ARHGAP15: variants seen among roughly 807,000 people sequenced by gnomAD.
ARHGAP15 encodes Rho GTPase activating protein 15.
In ARHGAP15, 51 loss-of-function variants were observed where a neutral mutation model predicts 63.7. That is an observed-to-expected ratio of 0.80 (90% CI 0.64 to 1.01). The LOEUF (loss-of-function observed/expected upper bound fraction) is 1.01. ARHGAP15 is among the 50% of genes least tolerant of loss of function. The probability of loss-of-function intolerance (pLI) is 0.00; values close to 1 mark genes in which losing one functional copy is unlikely to be tolerated. For missense variants in ARHGAP15, 560 were observed against 564.6 expected, an observed-to-expected ratio of 0.99 and a Z score of 0.08; for synonymous variants, 191 against 193.8, an observed-to-expected ratio of 0.99 and a Z score of 0.12.
intron 12 of ARHGAP15, among the ~76,000 whole-genome samples, chr2:143,664,543 C>T (rs1410423444): frequency 6.6e-6 from 1 of 151,632 alleles, no homozygotes; most frequent in African/African-American, 2.4e-5. Flanking sequence ...CAAAAGCTAG[C>T]AGAAGGCAAG....
chr2:143,662,494 A>G lies in ARHGAP15; in HGVS notation c.1138+38227A>G, dbSNP rs181660691. 4.9e-3 allele frequency among the ~76,000 whole-genome samples: 706 copies of G among 144,218 alleles called. 6 individuals carry two copies. Among genetic ancestry groups the G allele is most frequent in the African/African-American group, 0.016 (667 of 40,516 alleles). 94.6% of individuals were successfully genotyped at this position (144,218 alleles called of 152,430 possible). A position where few individuals can be genotyped will look rare whatever the true frequency, so the allele number is the denominator to read the frequency against. ...AACAGAAGAGAAAACTGGAAACTCT[A>G]AAACGCAGAGTGCCTCTCCTCCTCC... is the stretch of plus-strand genomic sequence containing the variant. On this transcript the variant is annotated intron_variant, in intron 12 of 13. Transcript: ENST00000295095.
chr2:143,488,829 A>G (rs941052405), intron 9 of ARHGAP15, among the ~76,000 whole-genome samples: 1 of 152,230 alleles, frequency 6.6e-6, no homozygotes, highest in Non-Finnish European at 1.5e-5. Flanking sequence ...CACATTACTA[A>G]TAGAATAGAA....
intron 11 of ARHGAP15, among the ~76,000 whole-genome samples, chr2:143,556,792 A>T (rs1011195813): frequency 6.6e-6 from 1 of 152,074 alleles, no homozygotes; most frequent in Non-Finnish European, 1.5e-5. Context: ...AAAAAATGTT[A>T]TTGGCTTATA....
intron 6 of ARHGAP15, among the ~76,000 whole-genome samples, chr2:143,327,324 A>G (rs947451755): frequency 6.6e-5 from 10 of 152,236 alleles, no homozygotes; most frequent in Non-Finnish European, 1.2e-4. Context: ...GTACGGCCCA[A>G]AGTAATTTAT....
chr2:143,546,729 T>A (rs1013716266), intron 10 of ARHGAP15, among the ~76,000 whole-genome samples: 48 of 152,170 alleles, frequency 3.2e-4, no homozygotes, highest in Non-Finnish European at 8.8e-5. Context: ...ATGATTTATT[T>A]ACATCAGCAT....
chr2:143,461,963 G>A (rs953777695), intron 8 of ARHGAP15, among the ~76,000 whole-genome samples: 3 of 152,172 alleles, frequency 2.0e-5, no homozygotes, highest in Admixed American at 2.0e-4. Context: ...GAGCAGCCTG[G>A]GCAACATGGC....
At chr2:143,533,793 T>C (rs971435242) in intron 10 of ARHGAP15, among the ~76,000 whole-genome samples, 1 of 152,196 alleles carries the variant, frequency 6.6e-6, no homozygotes, top group African/African-American at 2.4e-5. Context: ...GGCCAGTGAA[T>C]TAATAGAAAT....
chr2:143,448,965 A>G (rs900947867), intron 8 of ARHGAP15, among the ~76,000 whole-genome samples: 5 of 152,048 alleles, frequency 3.3e-5, no homozygotes, highest in African/African-American at 1.2e-4. Context: ...CATATAAAAG[A>G]GCTATCTTGT....
intron 9 of ARHGAP15, among the ~76,000 whole-genome samples, chr2:143,495,709 AG>A (rs1553489924): frequency 3.1e-4 from 24 of 77,080 alleles, no homozygotes; most frequent in African/African-American, 8.2e-4. Context: ...AACATCATTG[AG>A]TTAAGAGAAA....
chr2:143,161,795 G>T (rs1262230556), intron 2 of ARHGAP15, among the ~76,000 whole-genome samples: 1 of 151,918 alleles, frequency 6.6e-6, no homozygotes, highest in East Asian at 1.9e-4. Context: ...TAAGTGTTCT[G>T]TTACCGAGTA....
intron 12 of ARHGAP15, 98 bp from the exon 13 acceptor site, chr2:143,703,321 A>G (rs1684174113): frequency 2.6e-6 from 2 of 773,854 alleles, no homozygotes; most frequent in South Asian, 1.9e-5. Flanking sequence ...CTTAGTTGCT[A>G]GTCTCAGTCC....
chr2:143,433,692 C>G (rs1017443529), intron 6 of ARHGAP15, among the ~76,000 whole-genome samples: 1 of 152,022 alleles, frequency 6.6e-6, no homozygotes, highest in African/African-American at 2.4e-5. Context: ...TTCGTAAACC[C>G]TCATAATATA....
At chr2:143,266,800 A>G (rs1230588961) in intron 6 of ARHGAP15, among the ~76,000 whole-genome samples, 2 of 152,178 alleles carry the variant, frequency 1.3e-5, no homozygotes, top group African/African-American at 4.8e-5. Flanking sequence ...TTAATGAAGA[A>G]AATACTAACA....
intron 9 of ARHGAP15, among the ~76,000 whole-genome samples, chr2:143,494,065 T>G (rs942303891): frequency 1.3e-5 from 2 of 152,180 alleles, no homozygotes; most frequent in Admixed American, 1.3e-4. Flanking sequence ...GGACAGGATT[T>G]TTAAATTTTA....
intron 11 of ARHGAP15, chr2:143,601,547 G>C (rs920149424): frequency 1.3e-5 from 2 of 152,072 alleles, no homozygotes; most frequent in African/African-American, 4.8e-5. Context: ...CTGATGAAGT[G>C]GATTGGAGAC....
intron 10 of ARHGAP15, among the ~76,000 whole-genome samples, chr2:143,547,176 C>A (rs986975492): frequency 6.6e-6 from 1 of 152,150 alleles, no homozygotes; most frequent in African/African-American, 2.4e-5. Context: ...AGGCTTCATG[C>A]AGTTAGGCCT....
chr2:143,589,916 TAAC>T (rs1428081798), intron 11 of ARHGAP15, among the ~76,000 whole-genome samples: 2 of 152,232 alleles, frequency 1.3e-5, no homozygotes, highest in Admixed American at 6.5e-5. Context: ...GTGTGTAACT[TAAC>T]AACTCAGCAA....
intron 6 of ARHGAP15, among the ~76,000 whole-genome samples, chr2:143,352,127 T>C (rs796515779): frequency 6.6e-6 from 1 of 152,348 alleles, no homozygotes. Flanking sequence ...TATTGCAGTA[T>C]TTTAAATGTG....
At chr2:143,670,265 C>T (rs1330415305) in intron 12 of ARHGAP15, among the ~76,000 whole-genome samples, 1 of 152,166 alleles carries the variant, frequency 6.6e-6, no homozygotes, top group African/African-American at 2.4e-5. Flanking sequence ...GAGAAGACCT[C>T]ACCTGTTTCT....
Sources: allele counts gnomAD v4.1 joint callset (sites outside exome capture counted in the v4.1 genomes callset), GRCh38; gene constraint gnomAD v4.1.1; transcripts MANE v1.5; gene names NCBI Gene and HGNC (gene_info 2026-07-23, HGNC 2026-07-21).